Variants in SKAP1 observed in about 807,000 individuals in gnomAD.
SKAP1 encodes src kinase associated phosphoprotein 1.
SKAP1 carries 44 observed loss-of-function variants against 58.5 expected under a neutral mutation model. That is an observed-to-expected ratio of 0.75 (90% CI 0.59 to 0.97). The LOEUF (loss-of-function observed/expected upper bound fraction) is 0.97, where lower values mean the gene tolerates loss of function less well. Among genes scored for constraint, SKAP1 ranks in the 50% least tolerant of loss-of-function variants. SKAP1 has a pLI of 0.00. For synonymous variants in SKAP1, 127 were observed against 149.7 expected (o/e 0.85, Z 1.11); for missense variants, 390 against 435.2 (o/e 0.90, Z 0.92).
chr17:48,202,320 C>A (rs1175634617), intron 4 of SKAP1, among the ~76,000 whole-genome samples: 1 of 151,994 alleles, frequency 6.6e-6, no homozygotes, highest in Non-Finnish European at 1.5e-5. Context: ...ACTCTTACAC[C>A]CCATCAGGAA....
chr17:48,224,871 GT>G (rs2065049066), intron 4 of SKAP1, among the ~76,000 whole-genome samples: 1 of 152,118 alleles, frequency 6.6e-6, no homozygotes, highest in Admixed American at 6.6e-5. Flanking sequence ...GCCATATTTT[GT>G]GTCAGTACAG....
chr17:48,184,156 G>A (rs773806359), intron 7 of SKAP1, among the ~76,000 whole-genome samples: 6 of 152,222 alleles, frequency 3.9e-5, no homozygotes, highest in Non-Finnish European at 8.8e-5. Flanking sequence ...AGCACAGTAC[G>A]GAATAAGTCT....
upstream of SKAP1, among the ~76,000 whole-genome samples, chr17:48,430,890 AGT>A (rs1426571100): frequency 6.6e-6 from 1 of 152,168 alleles, no homozygotes; most frequent in Non-Finnish European, 1.5e-5. Flanking sequence ...AAGGGAGGAA[AGT>A]GAAGGACAAA....
Position 48,345,967 on chromosome 17 carries a change from C to T in SKAP1, c.218G>A (p.Ser73Asn), listed in dbSNP as rs774021193. The change falls in exon 4 of 13, where the codon AGC (serine) becomes AAC (asparagine). Residue 73 changes from serine to asparagine, a missense_variant. Physicochemically the swap from Ser to Asn is conservative, Grantham distance 46. Coordinates refer to ENST00000336915, the MANE Select transcript of SKAP1 (RefSeq NM_003726.4). ...TGTGAGGGACAGGCCAAGAGTCCCG[C>T]TGTGATTATCATCAGAGCTGTCCTG... The part of the protein sequence containing the change: ...IGQDSSDDNH[S>N]GTLGLSLTSD... 6.2e-7 allele frequency: 1 copy of T among 1,613,652 alleles called. No homozygotes were observed. The highest frequency in any genetic ancestry group is 1.1e-5 in the South Asian group (1 of 91,012).
At chr17:48,275,676 A>G (rs1369577604) in intron 4 of SKAP1, among the ~76,000 whole-genome samples, 1 of 152,190 alleles carries the variant, frequency 6.6e-6, no homozygotes, top group Admixed American at 6.5e-5. Context: ...AAGCTGAGTC[A>G]AGGTTGGAAT....
chr17:48,137,703 T>C (rs1448443469), intron 11 of SKAP1, among the ~76,000 whole-genome samples: 5 of 152,180 alleles, frequency 3.3e-5, no homozygotes, highest in African/African-American at 1.2e-4. Flanking sequence ...TTCAAATCAA[T>C]AATATTTATC....
At chr17:48,444,705 CT>C in the SKAP1 span, among the ~76,000 whole-genome samples, 5 of 152,340 alleles carry the variant, frequency 3.3e-5, no homozygotes, top group East Asian at 9.7e-4. Context: ...CCATTTGTCG[CT>C]GCCTATGCAG....
intron 3 of SKAP1, among the ~76,000 whole-genome samples, chr17:48,363,294 A>G (rs2066959689): frequency 6.6e-6 from 1 of 152,200 alleles, no homozygotes; most frequent in African/African-American, 2.4e-5. Context: ...TTAAAATGTG[A>G]TAACACTGTT....
intron 3 of SKAP1, among the ~76,000 whole-genome samples, chr17:48,349,478 T>G (rs2066768131): frequency 6.6e-6 from 1 of 152,228 alleles, no homozygotes; most frequent in Non-Finnish European, 1.5e-5. Context: ...TACAGATATA[T>G]ATTCTAACAC....
intron 1 of SKAP1, among the ~76,000 whole-genome samples, chr17:48,414,011 T>G (rs902035101): frequency 6.6e-6 from 1 of 152,228 alleles, no homozygotes; most frequent in Non-Finnish European, 1.5e-5. Flanking sequence ...TAAACAATGC[T>G]ACATTGTCTA....
intron 2 of SKAP1, among the ~76,000 whole-genome samples, chr17:48,383,881 G>A (rs939965128): frequency 1.1e-4 from 17 of 151,664 alleles, no homozygotes; most frequent in South Asian, 2.1e-4. Context: ...CATCATGCCC[G>A]GCTAATTTTT....
intron 9 of SKAP1, among the ~76,000 whole-genome samples, chr17:48,174,503 G>A (rs572198811): frequency 2.6e-5 from 4 of 152,308 alleles, no homozygotes; most frequent in African/African-American, 9.6e-5. Context: ...CTGAACAGGT[G>A]TCTTTGCAAC....
At chr17:48,296,216 GA>G (rs899563648) in intron 4 of SKAP1, among the ~76,000 whole-genome samples, 1 of 150,414 alleles carries the variant, frequency 6.6e-6, no homozygotes, top group African/African-American at 2.4e-5. Flanking sequence ...GGTTTGGAAA[GA>G]AAAAAAAACC....
intron 4 of SKAP1, among the ~76,000 whole-genome samples, chr17:48,285,350 C>T (rs2065816966): frequency 6.6e-6 from 1 of 152,216 alleles, no homozygotes; most frequent in African/African-American, 2.4e-5. Flanking sequence ...GGCACTGTGG[C>T]TCATGCCTGT....
intron 10 of SKAP1, among the ~76,000 whole-genome samples, chr17:48,167,116 T>C (rs2064150290): frequency 6.6e-6 from 1 of 152,198 alleles, no homozygotes; most frequent in African/African-American, 2.4e-5. Context: ...TTCTCCCATC[T>C]TCGCCTCCCA....
chr17:48,370,634 G>A (rs561802981), intron 2 of SKAP1, among the ~76,000 whole-genome samples: 2 of 152,290 alleles, frequency 1.3e-5, no homozygotes, highest in African/African-American at 4.8e-5. Flanking sequence ...AACAACAGGT[G>A]CTGGTGAGGC....
At chr17:48,346,100 C>A (rs975324480) in intron 3 of SKAP1, 94 bp from the exon 4 acceptor site, 5 of 632,654 alleles carry the variant, frequency 7.9e-6, no homozygotes, top group Middle Eastern at 3.4e-4. Context: ...TGATCTCTTC[C>A]AGTATTCGAA....
intron 4 of SKAP1, among the ~76,000 whole-genome samples, chr17:48,275,544 A>G (rs921919165): frequency 6.6e-6 from 1 of 152,186 alleles, no homozygotes; most frequent in Non-Finnish European, 1.5e-5. Context: ...TTCATCTCTG[A>G]AAAGCCTTTC....
chr17:48,192,034 G>C (rs1445086909), intron 4 of SKAP1, among the ~76,000 whole-genome samples: 1 of 152,050 alleles, frequency 6.6e-6, no homozygotes, highest in African/African-American at 2.4e-5. Flanking sequence ...CTCCTGGGGA[G>C]GCCAGGTGTG....
Sources: gnomAD v4.1 joint callset for allele counts (sites outside exome capture counted in the v4.1 genomes callset) on GRCh38, gnomAD v4.1.1 for gene constraint, MANE v1.5 for transcripts, NCBI Gene and HGNC (gene_info 2026-07-23, HGNC 2026-07-21) for gene names.